Variants in GFI1B observed in about 807,000 individuals in gnomAD.
GFI1B encodes the protein zinc finger protein Gfi-1b.
A neutral mutation model predicts 35.3 loss-of-function variants in GFI1B; 20 were observed. The ratio of observed to expected loss-of-function variants is 0.57; its 90% CI spans 0.40 to 0.82. GFI1B has a LOEUF of 0.82. GFI1B is among the 40% of genes least tolerant of loss of function. The pLI is 0.00. For missense variants in GFI1B, 430 were observed against 446.3 expected (o/e 0.96, Z 0.33); for synonymous variants, 178 against 177.6 (o/e 1.00, Z -0.02).
intron 1 of GFI1B, among the ~76,000 whole-genome samples, chr9:132,983,073 C>T (rs1564532789): frequency 6.6e-6 from 1 of 152,070 alleles, no homozygotes; most frequent in Non-Finnish European, 1.5e-5. Context: ...AATACCAATG[C>T]TTCCTGAAGG....
At chr9:132,970,448 C>T (rs958711564) in intron 1 of GFI1B, among the ~76,000 whole-genome samples, 18 of 152,278 alleles carry the variant, frequency 1.2e-4, no homozygotes, top group African/African-American at 2.4e-4. Flanking sequence ...CATGCACGCA[C>T]GCACGCACAC....
chr9:132,992,519 T>C (rs1849320684), downstream of GFI1B, among the ~76,000 whole-genome samples: 1 of 152,122 alleles, frequency 6.6e-6, no homozygotes, highest in Admixed American at 6.5e-5. Flanking sequence ...CAGCAGTCCC[T>C]TCCACCGATT....
rs371084332 is a variant in GFI1B at position 132,989,769 on chromosome 9, G to A, written c.676G>A (p.Gly226Ser). The A allele has an allele frequency of 4.2e-5, 67 of 1,614,010 alleles. No individual in the cohort carries two copies. The South Asian group carries it at 4.2e-4, about 10-fold the overall frequency. The change falls in exon 6 of 7, where the codon GGC becomes AGC. Residue 226 changes from glycine (G) to serine (S), a missense_variant. Coordinates refer to ENST00000372122, the MANE Select transcript of GFI1B (RefSeq NM_001377304.1). The surrounding 1 kb of genome is among the most constrained non-coding windows in gnomAD (Gnocchi z 6.2). The stretch of plus-strand genomic sequence containing the variant: ...GCGCAGCTTCGAGTGCCGCATGTGC[G>A]GCAAGGCCTTCAAGCGCTCGTCCAC... ...QERSFECRMCGKAFKRSSTLS... is the reference protein window; with the variant it reads ...QERSFECRMCSKAFKRSSTLS...
Position 132,991,019 on chromosome 9 carries a change from G to A in GFI1B, c.962G>A (p.Arg321Gln), listed in dbSNP as rs369095339. 1.1e-5 allele frequency: 18 copies of A among 1,613,918 alleles called. No homozygotes were observed. Among genetic ancestry groups the A allele is most frequent in the Admixed American group, 6.7e-5 (4 of 60,016 alleles). Residue 321 changes from arginine to glutamine, a missense_variant, in exon 7 of 7, where the codon CGG becomes CAG. By Grantham distance (43) the Arg-to-Gln change is conservative. Coordinates refer to ENST00000372122, the MANE Select transcript of GFI1B (RefSeq NM_001377304.1). ...TTCCAGCGCAAGGTGGACCTGCGGC[G>A]GCACCGCGAGAGCCAGCACAATCTC... ...KGFQRKVDLR[R>Q]HRESQHNLK
At position 132,988,465 on chromosome 9, in the gene GFI1B, C is replaced by T. The variant is rs1849164023; in HGVS notation, c.507C>T (p.Asn169=). The change falls in exon 4 of 7, where the codon AAC becomes AAT. Residue 169 remains asparagine (N), a synonymous_variant. Transcript: ENST00000372122. The part of the protein sequence containing the change: ...GMDAYHCVKC[N]KVFSTPHGLE... ...ATGCGTACCACTGTGTGAAGTGCAA[C>T]AAGGTGGGCAGCGGGGGGTGTGGTG... 6.8e-6 allele frequency: 11 copies of T among 1,613,346 alleles called. No individual in the cohort carries two copies. The highest frequency in any genetic ancestry group is 9.3e-6 in the Non-Finnish European group (11 of 1,179,936).
At chr9:132,947,226 T>TC (rs1848126544) in intron 1 of GFI1B, 1 of 152,068 alleles carries the variant, frequency 6.6e-6, no homozygotes, top group Non-Finnish European at 1.5e-5. Flanking sequence ...GTGTGACATC[T>TC]CCCCCTCGCC....
In GFI1B at chr9:132,955,018, A is replaced by G. The variant is rs146419629; in HGVS notation, c.-701+9349A>G. On this transcript the variant is annotated intron_variant, in intron 1 of 10. Coordinates refer to the GFI1B transcript ENST00000339463. ...AGGCATCAGCCACTGTACCTGGCCA[A>G]ATATTTTTTAAAGAAACAAAAAACT... is the stretch of plus-strand genomic sequence containing the variant. Among the ~76,000 whole-genome samples, 983 of 152,298 alleles carry G rather than the reference A, an allele frequency of 6.5e-3. 7 individuals carry two copies. Among genetic ancestry groups the G allele is most frequent in the African/African-American group, 0.023 (942 of 41,560 alleles).
At chr9:132,984,249 C>T (rs530826104) in intron 1 of GFI1B, among the ~76,000 whole-genome samples, 2 of 152,294 alleles carry the variant, frequency 1.3e-5, no homozygotes, top group East Asian at 1.9e-4. Flanking sequence ...CTCCTCTCCC[C>T]CTAGGGTCTG....
chr9:132,991,191 T>C lies in GFI1B; in HGVS notation c.*141T>C. The stretch of plus-strand genomic sequence containing the variant: ...CAGCTTGTTTTGAGACTCATGAAAT[T>C]GCTGTGTGACCTTGGGCAAGTCACT... On this transcript the variant is annotated 3_prime_UTR_variant, in exon 7 of 7. Coordinates refer to ENST00000372122, the MANE Select transcript of GFI1B (RefSeq NM_001377304.1). The C allele has an allele frequency of 1.3e-6, 1 of 759,806 alleles. No individual in the cohort carries two copies. The highest frequency in any genetic ancestry group is 2.2e-6 in the Non-Finnish European group (1 of 450,914). The allele number at this position is 759,806 out of a possible 1,614,324, so 47.1% of individuals were successfully genotyped here.
At chr9:132,979,341 G>A (rs1848735670) in intron 1 of GFI1B, among the ~76,000 whole-genome samples, 1 of 143,312 alleles carries the variant, frequency 7.0e-6, no homozygotes. Context: ...CCGAATTCAA[G>A]CGATTCTCCT....
rs1176010408 is a variant in GFI1B, at chr9:132,988,441, T to C, written c.483T>C (p.Asp161=). ...GCCTCCGCTACTCCCCAGGCATGGA[T>C]GCGTACCACTGTGTGAAGTGCAACA... ...DFSLRYSPGM[D]AYHCVKCNKV... Residue 161 remains aspartate, a synonymous_variant, in exon 4 of 7, where the codon GAT becomes GAC. Transcript: ENST00000372122. The C allele has an allele frequency of 4.3e-6, 7 of 1,613,806 alleles. No homozygotes were observed. The highest frequency in any genetic ancestry group is 5.9e-6 in the Non-Finnish European group (7 of 1,180,018).
intron 2 of GFI1B, among the ~76,000 whole-genome samples, chr9:132,972,968 T>A (rs1348932878): frequency 2.0e-5 from 3 of 152,220 alleles, no homozygotes; most frequent in African/African-American, 7.2e-5. Context: ...CGTTTCCTAC[T>A]TGGCCTGCTG....
chr9:132,949,357 AC>A (rs1848168129), intron 1 of GFI1B, among the ~76,000 whole-genome samples: 1 of 149,774 alleles, frequency 6.7e-6, no homozygotes, highest in South Asian at 2.1e-4. Flanking sequence ...ACACACACAC[AC>A]CCCCAACCCC....
intron 6 of GFI1B, 119 bp from the exon 7 acceptor site, chr9:132,990,753 C>A: frequency 1.2e-6 from 1 of 825,440 alleles, no homozygotes; most frequent in Non-Finnish European, 2.0e-6. Flanking sequence ...GTGAGTTGGC[C>A]ATGAGAGAAA....
Position 132,989,284 on chromosome 9 carries a change from T to A in GFI1B, c.648+86T>A. On this transcript the variant is annotated intron_variant, in intron 5 of 6. Coordinates refer to ENST00000372122, the MANE Select transcript of GFI1B (RefSeq NM_001377304.1). This position sits in a 1 kb window ranked among gnomAD's most constrained non-coding sequence, Gnocchi z 6.2. ...AGCCTGGGGGCTGTGGCTGGGTCCCTCCCCCTGCCCCTGGGGGTGACACAG... is the reference window on the plus strand; with the variant it reads ...AGCCTGGGGGCTGTGGCTGGGTCCCACCCCCTGCCCCTGGGGGTGACACAG... 3 of 1,328,348 alleles carry A rather than the reference T, an allele frequency of 2.3e-6. No homozygotes were observed. Among genetic ancestry groups the A allele is most frequent in the Non-Finnish European group, 3.2e-6 (3 of 937,376 alleles). 82.3% of individuals were successfully genotyped at this position (1,328,348 alleles called of 1,614,324 possible).
At chr9:132,963,873 G>A (rs1247387023) in intron 1 of GFI1B, 2 of 152,156 alleles carry the variant, frequency 1.3e-5, no homozygotes, top group East Asian at 1.9e-4. Flanking sequence ...ATAAAAATGC[G>A]AATTTTGTCA....
chr9:132,980,959 G>A (rs1157240841), intron 1 of GFI1B, among the ~76,000 whole-genome samples: 3 of 152,148 alleles, frequency 2.0e-5, no homozygotes, highest in African/African-American at 4.8e-5. Flanking sequence ...GCCATGGTGC[G>A]ATCTTGGCTC....
At chr9:132,993,304 CA>C (rs1588446268), downstream of GFI1B, among the ~76,000 whole-genome samples, 1 of 152,074 alleles carries the variant, frequency 6.6e-6, no homozygotes, top group East Asian at 1.9e-4. Flanking sequence ...CGGAAACAAA[CA>C]AACAAACAAA....
At chr9:132,973,857 C>A (rs545985352), upstream of GFI1B, among the ~76,000 whole-genome samples, 2 of 152,326 alleles carry the variant, frequency 1.3e-5, no homozygotes, top group Admixed American at 6.5e-5. Flanking sequence ...ACTTAAGCAA[C>A]CTCATGGTTT....
Sources: gnomAD v4.1 joint callset for allele counts (sites outside exome capture counted in the v4.1 genomes callset) on GRCh38, gnomAD v4.1.1 for gene constraint, Gnocchi (gnomAD v3.1) non-coding constraint, MANE v1.5 for transcripts, NCBI Gene and HGNC (gene_info 2026-07-23, HGNC 2026-07-21) for gene names.